PLEKHH2: variants seen among roughly 807,000 people sequenced by gnomAD.
The protein encoded by PLEKHH2 is pleckstrin homology domain-containing family H member 2.
PLEKHH2 carries 129 observed loss-of-function variants against 187.9 expected under a neutral mutation model. The ratio of observed to expected loss-of-function variants is 0.69; its 90% CI spans 0.59 to 0.79. PLEKHH2 has a LOEUF of 0.79. PLEKHH2 is among the 30% of genes least tolerant of loss of function. The pLI is 0.00. For synonymous variants in PLEKHH2, 686 were observed against 605.6 expected (o/e 1.13, Z -1.95); for missense variants, 2,076 against 1,751.2 (o/e 1.19, Z -3.31).
At chr2:43,729,781 T>G in intron 18 of PLEKHH2, 36 bp downstream of exon 18, 3 of 1,425,990 alleles carry the variant, frequency 2.1e-6, no homozygotes, top group Non-Finnish European at 2.9e-6. Context: ...GCTTTATGGT[T>G]AATGAAATGG....
chr2:43,719,876 A>G (rs751241002), intron 15 of PLEKHH2, among the ~76,000 whole-genome samples: 5 of 152,156 alleles, frequency 3.3e-5, no homozygotes, highest in Admixed American at 6.6e-5. Context: ...TTCATGGGGT[A>G]CAAGTGCAAT....
chr2:43,746,831 G>C (rs538845959), intron 24 of PLEKHH2, among the ~76,000 whole-genome samples: 12 of 151,858 alleles, frequency 7.9e-5, no homozygotes, highest in Admixed American at 7.9e-4. Context: ...TTAGCCAGGC[G>C]TGGTGGCGGG....
Position 43,764,357 on chromosome 2 carries a change from A to G in PLEKHH2, c.4288A>G (p.Lys1430Glu), listed in dbSNP as rs995668782. The G allele has an allele frequency of 6.2e-7, 1 of 1,612,938 alleles. No homozygotes were observed. Among genetic ancestry groups the G allele is most frequent in the Non-Finnish European group, 8.5e-7 (1 of 1,179,440 alleles). ...PTEKLLFAMA[K>E]PKILEITLLI... is the part of the protein sequence containing the mutation. ...AGAGAAATTACTTTTTGCCATGGCA[A>G]AACCCAAGGTGAGTAGAAGCCTTTC... Residue 1430 changes from lysine to glutamate, a missense_variant, in exon 29 of 30, where the codon AAA becomes GAA. Transcript: ENST00000282406.
intron 3 of PLEKHH2, among the ~76,000 whole-genome samples, chr2:43,684,497 G>T (rs769643128): frequency 6.6e-6 from 1 of 152,052 alleles, no homozygotes; most frequent in Non-Finnish European, 1.5e-5. Flanking sequence ...ACTAAATTAA[G>T]TATTTTTTAT....
rs553397715 is a variant in PLEKHH2 at position 43,732,363 on chromosome 2, C to CA, written c.2943+773dup. 3.8e-3 allele frequency among the ~76,000 whole-genome samples: 549 copies of CA among 144,858 alleles called. 2 individuals are homozygous for CA. The highest frequency in any genetic ancestry group is 0.011 in the African/African-American group (451 of 39,724). On this transcript the variant is annotated intron_variant, in intron 19 of 29. Coordinates refer to ENST00000282406, the MANE Select transcript of PLEKHH2 (RefSeq NM_172069.4). ...GGGCAACAAGAGTGAAAATAAGTCT[C>CA]AAAAAAAAAAAATTATCAAAGAATT...
rs557511362 is a variant in PLEKHH2 at position 43,689,403 on chromosome 2, G to A, written c.187-3111G>A. ...ACATTTGTGAGGGTTTATTTAACAA[G>A]CAATTTGAATTCACAGGTGTTTGTT... On this transcript the variant is annotated intron_variant, in intron 3 of 29. Coordinates refer to ENST00000282406, the MANE Select transcript of PLEKHH2 (RefSeq NM_172069.4). Among the ~76,000 whole-genome samples, 18 of 152,336 alleles carry A rather than the reference G, an allele frequency of 1.2e-4. No homozygotes were observed. The South Asian group carries it at 3.7e-3, about 32-fold the overall frequency.
At chr2:43,759,783 T>C (rs1572672147) in intron 27 of PLEKHH2, among the ~76,000 whole-genome samples, 1 of 152,258 alleles carries the variant, frequency 6.6e-6, no homozygotes, top group East Asian at 1.9e-4. Flanking sequence ...GCTTTGCACG[T>C]AATTAATAAT....
intron 6 of PLEKHH2, 113 bp downstream of exon 6, chr2:43,695,337 A>G: frequency 1.9e-6 from 1 of 513,322 alleles, no homozygotes; most frequent in Non-Finnish European, 3.3e-6. Context: ...AGCTGTTGCC[A>G]TAAAATGAAA....
chr2:43,659,381 T>A (rs1007257975), intron 2 of PLEKHH2, among the ~76,000 whole-genome samples: 5 of 152,078 alleles, frequency 3.3e-5, no homozygotes, highest in African/African-American at 1.2e-4. Context: ...TTTTCAATTC[T>A]TGTCCTTTAA....
rs757753604 is a variant in PLEKHH2 at position 43,757,197 on chromosome 2, C to A, written c.3874C>A (p.Leu1292Ile). Residue 1292 changes from leucine to isoleucine, a missense_variant, in exon 26 of 30, where the codon CTA (leucine) becomes ATA (isoleucine). Coordinates refer to ENST00000282406, the MANE Select transcript of PLEKHH2 (RefSeq NM_172069.4). ...VTNQCKVNQT[L>I]KQVIEKFYPK... ...CAATCAGTGCAAAGTGAATCAAACT[C>A]TAAAGCAAGTCATAGAGAAATTTTA... 4 of 1,603,908 alleles carry A rather than the reference C, an allele frequency of 2.5e-6. No individual in the cohort carries two copies. In the African/African-American group the frequency reaches 5.4e-5, roughly 22 times the overall value.
chr2:43,737,281 A>C (rs970461190), intron 19 of PLEKHH2, among the ~76,000 whole-genome samples: 1 of 152,256 alleles, frequency 6.6e-6, no homozygotes, highest in African/African-American at 2.4e-5. Context: ...CATCCAGTCA[A>C]AGATCACCAG....
intron 1 of PLEKHH2, among the ~76,000 whole-genome samples, chr2:43,643,839 C>G (rs1421590893): frequency 6.6e-6 from 1 of 152,082 alleles, no homozygotes; most frequent in Non-Finnish European, 1.5e-5. Flanking sequence ...AACCATCATG[C>G]TTCCAAAATC....
In PLEKHH2 at chr2:43,749,546, G is replaced by A. The variant is rs538000375; in HGVS notation, c.3653+3583G>A. Among the ~76,000 whole-genome samples the A allele has an allele frequency of 1.3e-5, 2 of 152,304 alleles. 1 individual carries two copies. Among genetic ancestry groups the A allele is most frequent in the African/African-American group, 4.8e-5 (2 of 41,564 alleles). ...AAATTTTTTTTTAAAAGAGAGAATT[G>A]TGAATAACAGATGATGATTACCTTG... On this transcript the variant is annotated intron_variant, in intron 24 of 29. Transcript: ENST00000282406.
At chr2:43,637,895 C>G (rs1181878630) in intron 1 of PLEKHH2, among the ~76,000 whole-genome samples, 1 of 152,230 alleles carries the variant, frequency 6.6e-6, no homozygotes, top group East Asian at 1.9e-4. Flanking sequence ...CTAAGGTGAC[C>G]TACCCGGAAA....
rs748740358 is a variant in PLEKHH2, at chr2:43,756,782, C to G, written c.3796-337C>G. Among the ~76,000 whole-genome samples, 6 of 152,226 alleles carry G rather than the reference C, an allele frequency of 3.9e-5. No homozygotes were observed. The South Asian group carries it at 6.2e-4, about 16-fold the overall frequency. On this transcript the variant is annotated intron_variant, in intron 25 of 29. Transcript: ENST00000282406. ...GGCCAACATGGTGAAACCCCCGTCTCTACAAAAAGCACAAAAATTAGCCAA... is the reference window on the plus strand; with the variant it reads ...GGCCAACATGGTGAAACCCCCGTCTGTACAAAAAGCACAAAAATTAGCCAA...
rs186991204 is a variant in PLEKHH2 at position 43,654,263 on chromosome 2, C to T, written c.123+9467C>T. ...AGGCTGGAGTGCAGTGTTGAGATCT[C>T]GGCTCACTGCAACCTCCACCTCCCC... On this transcript the variant is annotated intron_variant, in intron 2 of 29. Coordinates refer to ENST00000282406, the MANE Select transcript of PLEKHH2 (RefSeq NM_172069.4). Among the ~76,000 whole-genome samples the T allele has an allele frequency of 9.2e-4, 140 of 152,104 alleles. 2 individuals are homozygous for T. In the East Asian group the frequency reaches 0.022, roughly 24 times the overall value.
At chr2:43,655,956 T>A (rs1204985046) in intron 2 of PLEKHH2, among the ~76,000 whole-genome samples, 4 of 139,802 alleles carry the variant, frequency 2.9e-5, no homozygotes, top group African/African-American at 1.1e-4. Flanking sequence ...CTGGAATGTA[T>A]CTTAGTGATT....
Position 43,704,063 on chromosome 2 carries a change from G to A in PLEKHH2, c.1726+7G>A, listed in dbSNP as rs1040002019. 16 of 1,567,150 alleles carry A rather than the reference G, an allele frequency of 1.0e-5. No homozygotes were observed. The highest frequency in any genetic ancestry group is 3.3e-4 in the Middle Eastern group (2 of 5,994). On this transcript the variant is annotated splice_region_variant and intron_variant, in intron 9 of 29. Coordinates refer to ENST00000282406, the MANE Select transcript of PLEKHH2 (RefSeq NM_172069.4). ...ATGGAGAGTGTTAATAAAAGTAAGTGCTTTTTCATGCTGCCACCTGGATGA... is the reference window on the plus strand; with the variant it reads ...ATGGAGAGTGTTAATAAAAGTAAGTACTTTTTCATGCTGCCACCTGGATGA...
intron 3 of PLEKHH2, among the ~76,000 whole-genome samples, chr2:43,684,322 T>C (rs1056812383): frequency 2.0e-5 from 3 of 152,026 alleles, no homozygotes; most frequent in Non-Finnish European, 2.9e-5. Flanking sequence ...TGTCTCTATA[T>C]GTAATCTATC....
Sources: allele counts gnomAD v4.1 joint callset (sites outside exome capture counted in the v4.1 genomes callset), GRCh38; gene constraint gnomAD v4.1.1; transcripts MANE v1.5; gene names NCBI Gene and HGNC (gene_info 2026-07-23, HGNC 2026-07-21).